The following TBC1D22A variants were observed in gnomAD, a reference collection of about 807,000 sequenced individuals.
The protein encoded by TBC1D22A is putative GTPase activator.
In TBC1D22A, 38 loss-of-function variants were observed where a neutral mutation model predicts 60.2. The observed-to-expected ratio is 0.63, with a 90% CI of 0.49 to 0.83. The LOEUF is 0.83. Ranked by LOEUF, TBC1D22A falls within the 40% of genes least tolerant of loss-of-function variation. The pLI is 0.00. For missense variants in TBC1D22A, 628 were observed against 701.0 expected, an observed-to-expected ratio of 0.90 and a Z score of 1.18; for synonymous variants, 302 against 281.7, an observed-to-expected ratio of 1.07 and a Z score of -0.72.
intron 4 of TBC1D22A, among the ~76,000 whole-genome samples, chr22:46,834,430 C>T (rs1230043135): frequency 6.6e-6 from 1 of 152,194 alleles, no homozygotes; most frequent in Non-Finnish European, 1.5e-5. Flanking sequence ...AAGAGTTTCA[C>T]TTATCCATAA....
intron 12 of TBC1D22A, among the ~76,000 whole-genome samples, chr22:47,162,313 A>G (rs2068015631): frequency 1.3e-5 from 2 of 151,830 alleles, no homozygotes; most frequent in South Asian, 2.1e-4. Context: ...TGAAGGACTC[A>G]GCATGTTTCA....
Position 47,076,380 on chromosome 22 carries a change from TACACACACACACACACACACACACACAC to T in TBC1D22A, c.1330-35126_1330-35099del, listed in dbSNP as rs1183466938. ...GTGTGTGTATATATATATATATATA[TACACACACACACACACACACACACACAC>T]ATATATATATATATATGTTTTCCCA... is the stretch of plus-strand genomic sequence containing the variant. On this transcript the variant is annotated intron_variant, in intron 11 of 12. Coordinates refer to ENST00000337137, the MANE Select transcript of TBC1D22A (RefSeq NM_014346.5). Among the ~76,000 whole-genome samples, 47 of 124,304 alleles carry T rather than the reference TACACACACACACACACACACACACACAC, an allele frequency of 3.8e-4. No homozygotes were observed. In the East Asian group the frequency reaches 4.5e-3, roughly 12 times the overall value. 81.5% of individuals were successfully genotyped at this position (124,304 alleles called of 152,430 possible). A position where few individuals can be genotyped will look rare whatever the true frequency, so the allele number is the denominator to read the frequency against.
At chr22:46,919,069 G>A (rs139991939) in intron 8 of TBC1D22A, among the ~76,000 whole-genome samples, 1 of 152,278 alleles carries the variant, frequency 6.6e-6, no homozygotes, top group African/African-American at 2.4e-5. Context: ...AATATTTAGA[G>A]TAGTGTAACC....
In TBC1D22A at chr22:46,974,391, G is replaced by T; in HGVS notation, c.1117G>T (p.Gly373Cys). The change falls in exon 9 of 13, where the codon GGC becomes TGC. Residue 373 changes from glycine (G) to cysteine (C), a missense_variant. By Grantham distance (159) the Gly-to-Cys change is radical (BLOSUM62 -3). Transcript: ENST00000337137. ...TYWCMSKLLD[G>C]IQDNYTFAQP... ...CTGGTGCATGAGCAAGCTGCTGGAT[G>T]GCATTCAGGTGAGCGCCCGCGCCCA... The T allele has an allele frequency of 6.2e-7, 1 of 1,610,610 alleles. No homozygotes were observed. Among genetic ancestry groups the T allele is most frequent in the Non-Finnish European group, 8.5e-7 (1 of 1,178,684 alleles).
At chr22:47,025,528 A>T (rs756001727) in intron 10 of TBC1D22A, among the ~76,000 whole-genome samples, 4 of 152,258 alleles carry the variant, frequency 2.6e-5, no homozygotes, top group Non-Finnish European at 5.9e-5. Flanking sequence ...CAAAAGGGAA[A>T]TGAGAAGGTA....
chr22:47,026,732 A>G (rs2062269574), intron 10 of TBC1D22A, among the ~76,000 whole-genome samples: 1 of 152,244 alleles, frequency 6.6e-6, no homozygotes, highest in Admixed American at 6.5e-5. Context: ...GAAAACTACA[A>G]AACAATGCTG....
At chr22:46,940,506 C>G (rs1242178111) in intron 8 of TBC1D22A, among the ~76,000 whole-genome samples, 2 of 144,426 alleles carry the variant, frequency 1.4e-5, no homozygotes, top group South Asian at 4.4e-4. Flanking sequence ...ACAGTCTACC[C>G]TTGAACAGCA....
At chr22:47,141,358 G>A (rs991691519) in intron 12 of TBC1D22A, among the ~76,000 whole-genome samples, 1 of 152,188 alleles carries the variant, frequency 6.6e-6, no homozygotes, top group African/African-American at 2.4e-5. Flanking sequence ...GTCCTTCCTC[G>A]CCCAGTCCCA....
Position 47,096,121 on chromosome 22 carries a change from A to G in TBC1D22A, c.1330-15387A>G, listed in dbSNP as rs147553949. On this transcript the variant is annotated intron_variant, in intron 11 of 12. Transcript: ENST00000337137. The stretch of plus-strand genomic sequence containing the variant: ...ACTTATTACCCAGCTTTAGCAAGTC[A>G]AAAAGATTTGTTTCATTTTTAAAAA... Among the ~76,000 whole-genome samples the G allele has an allele frequency of 2.4e-4, 36 of 152,350 alleles. No individual in the cohort carries two copies. In the East Asian group the frequency reaches 6.9e-3, roughly 29 times the overall value.
At chr22:47,052,274 C>T (rs984429606) in intron 11 of TBC1D22A, among the ~76,000 whole-genome samples, 7 of 152,196 alleles carry the variant, frequency 4.6e-5, no homozygotes, top group Non-Finnish European at 7.4e-5. Flanking sequence ...GTCCAGAGGC[C>T]GGGCCAGCGC....
chr22:46,803,217 T>C (rs2084974205), intron 4 of TBC1D22A, among the ~76,000 whole-genome samples: 1 of 151,626 alleles, frequency 6.6e-6, no homozygotes, highest in African/African-American at 2.4e-5. Context: ...GCCTTATCGC[T>C]GGTTTACAGC....
At chr22:46,877,413 A>G (rs757940469) in intron 4 of TBC1D22A, among the ~76,000 whole-genome samples, 4 of 152,214 alleles carry the variant, frequency 2.6e-5, no homozygotes, top group Non-Finnish European at 5.9e-5. Flanking sequence ...CTCGTAAACC[A>G]TAATCAGAAA....
chr22:46,833,027 C>T (rs1377991363), intron 4 of TBC1D22A, among the ~76,000 whole-genome samples: 1 of 152,194 alleles, frequency 6.6e-6, no homozygotes, highest in Non-Finnish European at 1.5e-5. Flanking sequence ...ATTCTGAGGC[C>T]CTGTCCGCCT....
intron 4 of TBC1D22A, among the ~76,000 whole-genome samples, chr22:46,811,381 G>A (rs1023747516): frequency 7.2e-5 from 11 of 152,330 alleles, no homozygotes; most frequent in African/African-American, 2.6e-4. Flanking sequence ...GTGCTGGACG[G>A]TGATGAGCAC....
chr22:46,766,506 C>G (rs898432003), intron 1 of TBC1D22A, among the ~76,000 whole-genome samples: 1 of 152,124 alleles, frequency 6.6e-6, no homozygotes. Context: ...CTGTACAATA[C>G]AAGACTAGTA....
At position 47,053,605 on chromosome 22, in the gene TBC1D22A, G is replaced by A. The variant is rs540997852; in HGVS notation, c.1329+16407G>A. 9.2e-5 allele frequency among the ~76,000 whole-genome samples: 14 copies of A among 152,370 alleles called. No individual in the cohort carries two copies. The South Asian group carries it at 2.1e-3, about 23-fold the overall frequency. ...AGGCCAAGCCCTCAGAGACGCCAGC[G>A]AGGAGGGAGGCCTCTGTGCACAGCA... On this transcript the variant is annotated intron_variant, in intron 11 of 12. Transcript: ENST00000337137.
intron 1 of TBC1D22A, among the ~76,000 whole-genome samples, chr22:46,766,335 T>C (rs2083286903): frequency 6.6e-6 from 1 of 151,706 alleles, no homozygotes; most frequent in Non-Finnish European, 1.5e-5. Context: ...TTCACCATGT[T>C]GGCCAGGCTG....
intron 11 of TBC1D22A, among the ~76,000 whole-genome samples, chr22:47,102,178 A>T (rs2065443412): frequency 6.6e-6 from 1 of 151,906 alleles, no homozygotes; most frequent in South Asian, 2.1e-4. Flanking sequence ...GCCTTCCTTT[A>T]CCTCCCCAAA....
At chr22:46,837,117 C>T (rs2147189874) in intron 4 of TBC1D22A, among the ~76,000 whole-genome samples, 1 of 152,118 alleles carries the variant, frequency 6.6e-6, no homozygotes, top group South Asian at 2.1e-4. Context: ...AGAGCAAGAC[C>T]CTGTCTCAAG....
Sources: gnomAD v4.1 joint callset for allele counts (sites outside exome capture counted in the v4.1 genomes callset) on GRCh38, gnomAD v4.1.1 for gene constraint, MANE v1.5 for transcripts, NCBI Gene and HGNC (gene_info 2026-07-23, HGNC 2026-07-21) for gene names.